The following RPS6KC1 variants were observed in gnomAD, a reference collection of about 807,000 sequenced individuals.
The protein encoded by RPS6KC1 is ribosomal protein S6 kinase C1, also known as inactive ribosomal protein S6 kinase delta-1.
In RPS6KC1, 54 loss-of-function variants were observed where a neutral mutation model predicts 103.8. That is an observed-to-expected ratio of 0.52 (90% CI 0.42 to 0.65). The LOEUF is 0.65. Among genes scored for constraint, RPS6KC1 ranks in the 30% least tolerant of loss-of-function variants. RPS6KC1 has a pLI of 0.00. For synonymous variants in RPS6KC1, 439 were observed against 438.7 expected, an observed-to-expected ratio of 1.00 and a Z score of -0.01; for missense variants, 1,151 against 1,253.8, an observed-to-expected ratio of 0.92 and a Z score of 1.24.
chr1:213,735,246 G>T, the RPS6KC1 span, among the ~76,000 whole-genome samples: 1 of 152,196 alleles, frequency 6.6e-6, no homozygotes, highest in Admixed American at 6.5e-5. Flanking sequence ...GCCTGGAATT[G>T]CTGGCAATGT....
At chr1:213,324,159 G>A in the RPS6KC1 span, among the ~76,000 whole-genome samples, 1 of 152,174 alleles carries the variant, frequency 6.6e-6, no homozygotes. Flanking sequence ...TTTGGAATAA[G>A]AGAACAATTA....
chr1:213,413,688 C>G, the RPS6KC1 span, among the ~76,000 whole-genome samples: 1 of 152,330 alleles, frequency 6.6e-6, no homozygotes, highest in African/African-American at 2.4e-5. Context: ...GAGTGCAAAG[C>G]AGAAGGTGGT....
chr1:213,295,053 T>C, the RPS6KC1 span, among the ~76,000 whole-genome samples: 1 of 152,088 alleles, frequency 6.6e-6, no homozygotes, highest in Non-Finnish European at 1.5e-5. Context: ...CCATATCTAG[T>C]TGTCTGCTAC....
chr1:213,709,662 A>G, the RPS6KC1 span, among the ~76,000 whole-genome samples: 9 of 152,168 alleles, frequency 5.9e-5, no homozygotes, highest in Non-Finnish European at 1.0e-4. Context: ...ATTTATTGCT[A>G]TAAATGTCCT....
chr1:213,171,941 G>A (rs1161478704), intron 7 of RPS6KC1, among the ~76,000 whole-genome samples: 2 of 152,130 alleles, frequency 1.3e-5, no homozygotes, highest in South Asian at 4.1e-4. Context: ...TCAGAGTGTG[G>A]TTTCTTGATA....
chr1:213,675,170 C>G, the RPS6KC1 span, among the ~76,000 whole-genome samples: 3 of 152,148 alleles, frequency 2.0e-5, no homozygotes, highest in Admixed American at 2.0e-4. Context: ...TTCCACTTGT[C>G]AATATTTGGT....
At chr1:213,549,986 G>A in the RPS6KC1 span, among the ~76,000 whole-genome samples, 1 of 152,254 alleles carries the variant, frequency 6.6e-6, no homozygotes, top group African/African-American at 2.4e-5. Context: ...GGGGCATCAG[G>A]GGATAAGGGG....
chr1:213,182,307 C>A (rs550019694), intron 8 of RPS6KC1, among the ~76,000 whole-genome samples: 4 of 152,234 alleles, frequency 2.6e-5, no homozygotes, highest in African/African-American at 9.6e-5. Context: ...GCCTGGCCAA[C>A]ATGGTGAAAA....
chr1:213,688,010 A>T, the RPS6KC1 span, among the ~76,000 whole-genome samples: 3 of 151,758 alleles, frequency 2.0e-5, no homozygotes. Context: ...ATTGATGACC[A>T]CTCTCAGATT....
At chr1:213,426,921 G>C in the RPS6KC1 span, among the ~76,000 whole-genome samples, 1 of 152,150 alleles carries the variant, frequency 6.6e-6, no homozygotes, top group African/African-American at 2.4e-5. Flanking sequence ...AGGCCCTCTA[G>C]CTGCTATGTA....
At chr1:213,430,450 C>T in the RPS6KC1 span, among the ~76,000 whole-genome samples, 1 of 152,282 alleles carries the variant, frequency 6.6e-6, no homozygotes, top group South Asian at 2.1e-4. Flanking sequence ...GAACCAGAGA[C>T]TGTAGCACAT....
chr1:213,164,034 G>A lies in RPS6KC1; in HGVS notation c.836-3824G>A, dbSNP rs74139105. ...TCAGTTATGGTACTTTATATTGAAAGGTAGCTTAGGATAGTGGCAAGTACC... is the reference window on the plus strand; with the variant it reads ...TCAGTTATGGTACTTTATATTGAAAAGTAGCTTAGGATAGTGGCAAGTACC... On this transcript the variant is annotated intron_variant, in intron 6 of 14. Coordinates refer to ENST00000366960, the MANE Select transcript of RPS6KC1 (RefSeq NM_012424.6). 3.0e-3 allele frequency among the ~76,000 whole-genome samples: 460 copies of A among 152,284 alleles called. 2 individuals are homozygous for A. Among genetic ancestry groups the A allele is most frequent in the Middle Eastern group, 0.02 (6 of 294 alleles).
rs1389390612 is a variant in RPS6KC1 at position 213,272,653 on chromosome 1, T to C, written c.*19T>C. ...GAGATGAACGTAATGCAGGGTTATC[T>C]TCACACATTCTGATCTTCTCTGTGA... is the stretch of plus-strand genomic sequence containing the variant. On this transcript the variant is annotated 3_prime_UTR_variant, in exon 15 of 15. Transcript: ENST00000366960. The C allele has an allele frequency of 6.4e-7, 1 of 1,553,274 alleles. No homozygotes were observed. The highest frequency in any genetic ancestry group is 1.7e-5 in the Admixed American group (1 of 59,928).
chr1:213,051,584 G>A, intron 1 of RPS6KC1, 75 bp downstream of exon 1: 1 of 1,069,496 alleles, frequency 9.4e-7, no homozygotes, highest in African/African-American at 1.6e-5. Context: ...CTGATGTGAG[G>A]GTACCTGACT....
At chr1:213,482,653 A>G in the RPS6KC1 span, among the ~76,000 whole-genome samples, 1 of 137,402 alleles carries the variant, frequency 7.3e-6, no homozygotes, top group East Asian at 2.2e-4. Flanking sequence ...GGCTCAAGCG[A>G]CTCTCCTGCC....
At chr1:213,056,906 G>A (rs973033873) in intron 1 of RPS6KC1, among the ~76,000 whole-genome samples, 3 of 143,412 alleles carry the variant, frequency 2.1e-5, no homozygotes, top group Middle Eastern at 3.6e-3. Flanking sequence ...TATCTCCTCC[G>A]TTATCATAAT....
intron 6 of RPS6KC1, among the ~76,000 whole-genome samples, chr1:213,149,825 C>T (rs572703816): frequency 6.6e-6 from 1 of 152,280 alleles, no homozygotes; most frequent in Non-Finnish European, 1.5e-5. Context: ...TATGGGTACC[C>T]CAGGGTTAGG....
At chr1:213,288,867 CGAGA>C in the RPS6KC1 span, among the ~76,000 whole-genome samples, 3 of 152,164 alleles carry the variant, frequency 2.0e-5, no homozygotes, top group East Asian at 5.8e-4. Flanking sequence ...GGCAAAGTAC[CGAGA>C]GAGAGGACAT....
chr1:213,122,087 C>T (rs1485055537), intron 5 of RPS6KC1, among the ~76,000 whole-genome samples: 1 of 151,976 alleles, frequency 6.6e-6, no homozygotes, highest in Admixed American at 6.6e-5. Context: ...TGTAACGGAT[C>T]CCTTAAATGA....
Sources: allele counts gnomAD v4.1 joint callset (sites outside exome capture counted in the v4.1 genomes callset), GRCh38; gene constraint gnomAD v4.1.1; transcripts MANE v1.5; gene names NCBI Gene and HGNC (gene_info 2026-07-23, HGNC 2026-07-21).